The following MTMR10 variants were observed in gnomAD, a reference collection of about 807,000 sequenced individuals.
MTMR10 encodes myotubularin-related protein 10.
In MTMR10, 56 loss-of-function variants were observed where a neutral mutation model predicts 88.1. The ratio of observed to expected loss-of-function variants is 0.64; its 90% CI spans 0.51 to 0.79. The LOEUF is 0.79. Ranked by LOEUF, MTMR10 falls within the 30% of genes least tolerant of loss-of-function variation. The pLI, the probability that MTMR10 is intolerant of heterozygous loss-of-function variation, is 0.00. For synonymous variants in MTMR10, 380 were observed against 340.9 expected (o/e 1.11, Z -1.26); for missense variants, 883 against 924.7 (o/e 0.95, Z 0.58).
chr15:30,933,348 TTC>T, the MTMR10 span, among the ~76,000 whole-genome samples: 11 of 152,240 alleles, frequency 7.2e-5, no homozygotes, highest in African/African-American at 1.2e-4. Flanking sequence ...TCACAATACT[TTC>T]TGATTTCCCT....
chr15:30,943,232 G>A, intron 14 of MTMR10, 160 bp from the exon 15 acceptor site: 3 of 1,381,934 alleles, frequency 2.2e-6, no homozygotes, highest in Non-Finnish European at 2.8e-6. Context: ...AGACGCTCCT[G>A]GCCTTTGAGC....
At chr15:30,972,243 G>A (rs1342296204) in intron 5 of MTMR10, among the ~76,000 whole-genome samples, 1 of 152,054 alleles carries the variant, frequency 6.6e-6, no homozygotes, top group Non-Finnish European at 1.5e-5. Context: ...TGAAATAAAA[G>A]AATATGCCAT....
intron 3 of MTMR10, among the ~76,000 whole-genome samples, chr15:30,976,122 AG>A: frequency 6.9e-6 from 1 of 144,612 alleles, no homozygotes; most frequent in Non-Finnish European, 1.5e-5. Context: ...AAAAAAAAAA[AG>A]GTAGCTGGGT....
At chr15:30,969,057 G>C (rs980509055) in intron 5 of MTMR10, among the ~76,000 whole-genome samples, 2 of 152,138 alleles carry the variant, frequency 1.3e-5, no homozygotes, top group African/African-American at 4.8e-5. Flanking sequence ...ATATACTTTT[G>C]ACAGTGAGTA....
intron 10 of MTMR10, among the ~76,000 whole-genome samples, chr15:30,954,100 C>T (rs2063287947): frequency 6.6e-6 from 1 of 152,224 alleles, no homozygotes; most frequent in African/African-American, 2.4e-5. Flanking sequence ...GGACAGGCAT[C>T]CTCACTGCCC....
At chr15:30,922,279 T>G in the MTMR10 span, 2 of 1,613,888 alleles carry the variant, frequency 1.2e-6, no homozygotes, top group Non-Finnish European at 1.7e-6. Flanking sequence ...AGAGAATTTA[T>G]TGTCCTGACA....
At chr15:30,957,945 T>G (rs577768139) in intron 9 of MTMR10, among the ~76,000 whole-genome samples, 3 of 152,042 alleles carry the variant, frequency 2.0e-5, no homozygotes, top group Non-Finnish European at 4.4e-5. Context: ...GTTTGCAAGG[T>G]GTCTGAAAAG....
chr15:30,954,962 T>C (rs151198711), intron 9 of MTMR10, 69 bp from the exon 10 acceptor site: 14 of 1,358,138 alleles, frequency 1.0e-5, no homozygotes, highest in Middle Eastern at 2.6e-4. Context: ...ACCCTTACTA[T>C]AGACCAGGGG....
the MTMR10 span, chr15:30,930,520 ACTGTC>A: frequency 5.7e-6 from 9 of 1,570,420 alleles, no homozygotes; most frequent in African/African-American, 2.8e-5. Context: ...GAAGTGGCTA[ACTGTC>A]CTGTGTTTTG....
chr15:30,922,343 C>T, the MTMR10 span: 24 of 1,610,162 alleles, frequency 1.5e-5, no homozygotes, highest in East Asian at 4.5e-5. Context: ...GCACTTGAAG[C>T]GCCTGGAACC....
At chr15:30,948,525 A>T in intron 12 of MTMR10, 54 bp from the exon 13 acceptor site, 1 of 1,503,664 alleles carries the variant, frequency 6.7e-7, no homozygotes, top group Middle Eastern at 1.7e-4. Flanking sequence ...GCTGAGAGAG[A>T]AAGGGAAGGA....
At chr15:30,928,621 G>A in the MTMR10 span, 1 of 1,612,974 alleles carries the variant, frequency 6.2e-7, no homozygotes, top group Non-Finnish European at 8.5e-7. Context: ...CATCTTCATG[G>A]ATGGGATTCC....
At chr15:30,977,093 C>T (rs1415366567) in intron 2 of MTMR10, 138 bp from the exon 3 acceptor site, 1 of 775,898 alleles carries the variant, frequency 1.3e-6, no homozygotes, top group Admixed American at 2.7e-5. Flanking sequence ...AGGTGCCAGG[C>T]ACTGTATGGT....
intron 12 of MTMR10, chr15:30,950,216 GATT>G (rs1325131779): frequency 6.6e-6 from 1 of 152,040 alleles, no homozygotes; most frequent in East Asian, 1.9e-4. Flanking sequence ...GAGAAATTGT[GATT>G]ATTAGGCTCT....
rs2062958592 is a variant in MTMR10, at chr15:30,939,306, G to A, written c.*2164C>T. On this transcript the variant is annotated 3_prime_UTR_variant, in exon 16 of 16. Transcript: ENST00000435680. ...AATTTCACCCAGTGCATCAGCATCTGTGCGGCATTCCCTCAGCACGGGCTC... is the reference window on the plus strand; with the variant it reads ...AATTTCACCCAGTGCATCAGCATCTATGCGGCATTCCCTCAGCACGGGCTC... 1.0e-6 allele frequency: 1 copy of A among 985,340 alleles called. No homozygotes were observed. The highest frequency in any genetic ancestry group is 1.2e-6 in the Non-Finnish European group (1 of 829,956). 61.0% of individuals were successfully genotyped at this position (985,340 alleles called of 1,614,324 possible).
chr15:30,970,001 A>G (rs2063518739), intron 5 of MTMR10, among the ~76,000 whole-genome samples: 1 of 152,140 alleles, frequency 6.6e-6, no homozygotes, highest in Non-Finnish European at 1.5e-5. Flanking sequence ...AACCCAGAAC[A>G]ACAGTTTCAA....
chr15:30,966,885 G>A (rs1244504729), intron 6 of MTMR10, among the ~76,000 whole-genome samples: 3 of 134,746 alleles, frequency 2.2e-5, no homozygotes, highest in Non-Finnish European at 4.6e-5. Flanking sequence ...GGTCCTCTCA[G>A]TGCTTAACAG....
Position 30,941,939 on chromosome 15 carries a change from C to T in MTMR10, c.1865G>A (p.Ser622Asn). Residue 622 changes from serine to asparagine, a missense_variant, in exon 16 of 16, where the codon AGC becomes AAC. This residue lies in a region of MTMR10 where 343 missense variants were observed against 323.2 expected (regional missense o/e 1.06). Transcript: ENST00000435680. ...PKPDPAQQTD[S>N]QNSDTEQYFR... ...ATACTGCTCCGTATCACTGTTCTGG[C>T]TGTCGGTTTGCTGAGCTGGATCTGG... The T allele has an allele frequency of 1.2e-6, 2 of 1,614,018 alleles. No homozygotes were observed. The highest frequency in any genetic ancestry group is 1.7e-6 in the Non-Finnish European group (2 of 1,179,894).
chr15:30,985,305 C>T (rs1310541563), intron 2 of MTMR10, among the ~76,000 whole-genome samples: 2 of 152,212 alleles, frequency 1.3e-5, no homozygotes, highest in African/African-American at 2.4e-5. Flanking sequence ...CACGCTGGGT[C>T]AAAATCTGTC....
Sources: allele counts gnomAD v4.1 joint callset (sites outside exome capture counted in the v4.1 genomes callset), GRCh38; gene constraint gnomAD v4.1.1; regional missense constraint gnomAD v4.1.1; transcripts MANE v1.5; gene names NCBI Gene and HGNC (gene_info 2026-07-23, HGNC 2026-07-21).